PLEKHS1: variants seen among roughly 807,000 people sequenced by gnomAD.
The protein encoded by PLEKHS1 is pleckstrin homology domain containing S1, also known as pleckstrin homology domain-containing family S member 1.
PLEKHS1 carries 55 observed loss-of-function variants against 51.0 expected under a neutral mutation model. The ratio of observed to expected loss-of-function variants is 1.08; its 90% CI spans 0.87 to 1.35. PLEKHS1 has a LOEUF of 1.35. PLEKHS1 is among the 40% of genes most tolerant of loss of function. The pLI is 0.00. For synonymous variants in PLEKHS1, 153 were observed against 144.8 expected, an observed-to-expected ratio of 1.06 and a Z score of -0.41; for missense variants, 398 against 423.0, an observed-to-expected ratio of 0.94 and a Z score of 0.52.
chr10:113,767,014 A>C lies in PLEKHS1; in HGVS notation c.224+296A>C, dbSNP rs142685744. 3.5e-3 allele frequency among the ~76,000 whole-genome samples: 539 copies of C among 152,350 alleles called. 6 individuals carry two copies. The highest frequency in any genetic ancestry group is 0.013 in the African/African-American group (524 of 41,588). Reference sequence around the variant, plus strand: ...AGGGAGCAGATGAAATTGTCATTTTATAAAGTCAAGATAGAGTTTTAAAAA... The same window carrying C: ...AGGGAGCAGATGAAATTGTCATTTTCTAAAGTCAAGATAGAGTTTTAAAAA... On this transcript the variant is annotated intron_variant, in intron 4 of 11. Transcript: ENST00000361048.
chr10:113,755,173 C>G, intron 1 of PLEKHS1, 86 bp from the exon 2 acceptor site: 1 of 1,433,284 alleles, frequency 7.0e-7, no homozygotes, highest in Non-Finnish European at 9.4e-7. Flanking sequence ...TGAGCACAAT[C>G]CTGATACTCA....
chr10:113,766,212 G>A (rs1844152936), intron 2 of PLEKHS1, among the ~76,000 whole-genome samples, 199 bp from the exon 3 acceptor site: 1 of 152,194 alleles, frequency 6.6e-6, no homozygotes, highest in African/African-American at 2.4e-5. Flanking sequence ...TTCAAATGTT[G>A]TTTGAATGAA....
At position 113,772,067 on chromosome 10, in the gene PLEKHS1, C is replaced by A. The variant is rs368015880; in HGVS notation, c.650C>A (p.Thr217Asn). Reference sequence around the variant, plus strand: ...GTGAAGGAAGAGAATCATTATCTTACTCCTCGAAGTGTTCTTTTAGAGGTA... The same window carrying A: ...GTGAAGGAAGAGAATCATTATCTTAATCCTCGAAGTGTTCTTTTAGAGGTA... Residue 217 changes from threonine to asparagine, a missense_variant, in exon 8 of 12, where the codon ACT becomes AAT. Coordinates refer to ENST00000361048, the Ensembl canonical transcript of PLEKHS1. 12 of 1,612,802 alleles carry A rather than the reference C, an allele frequency of 7.4e-6. No homozygotes were observed. In the African/African-American group the frequency reaches 1.5e-4, roughly 20 times the overall value.
chr10:113,766,602 T>C lies in PLEKHS1; in HGVS notation c.118-10T>C. 6.2e-7 allele frequency: 1 copy of C among 1,601,000 alleles called. No homozygotes were observed. Among genetic ancestry groups the C allele is most frequent in the Non-Finnish European group, 8.5e-7 (1 of 1,175,922 alleles). On this transcript the variant is annotated splice_polypyrimidine_tract_variant and intron_variant, in intron 3 of 11. Transcript: ENST00000361048. ...ATTTAACTAAGACATAAAATCTTTT[T>C]ATTTTTCAGACCTCTTGGAAAAAGC...
At chr10:113,760,952 A>G (rs1406641657) in intron 2 of PLEKHS1, among the ~76,000 whole-genome samples, 1 of 152,140 alleles carries the variant, frequency 6.6e-6, no homozygotes, top group Non-Finnish European at 1.5e-5. Context: ...CTCTCATGTT[A>G]AGGTCATTTA....
chr10:113,758,144 A>G (rs1005514783), intron 2 of PLEKHS1, among the ~76,000 whole-genome samples: 9 of 152,240 alleles, frequency 5.9e-5, no homozygotes, highest in Non-Finnish European at 1.2e-4. Context: ...TCTAGGAATC[A>G]TGAATATTTT....
intron 8 of PLEKHS1, among the ~76,000 whole-genome samples, chr10:113,772,542 C>G (rs978714894): frequency 2.6e-5 from 4 of 152,118 alleles, no homozygotes; most frequent in Non-Finnish European, 5.9e-5. Flanking sequence ...TTACTGAATG[C>G]CTTCTGAGCA....
At chr10:113,757,743 T>A (rs566022444) in intron 2 of PLEKHS1, among the ~76,000 whole-genome samples, 5 of 152,356 alleles carry the variant, frequency 3.3e-5, no homozygotes, top group African/African-American at 1.2e-4. Flanking sequence ...TGATAACATT[T>A]TATCCACAGT....
intron 11 of PLEKHS1, among the ~76,000 whole-genome samples, chr10:113,778,737 G>A (rs891097718): frequency 4.7e-5 from 7 of 150,168 alleles, no homozygotes; most frequent in Admixed American, 6.7e-5. Context: ...TCCGCCTGCC[G>A]GGTTCACACC....
intron 11 of PLEKHS1, among the ~76,000 whole-genome samples, chr10:113,778,639 C>CTT (rs1274079728): frequency 1.1e-5 from 1 of 93,994 alleles, no homozygotes; most frequent in Non-Finnish European, 2.6e-5. Flanking sequence ...CATTCGTTCA[C>CTT]TTTCTTTTTT....
intron 7 of PLEKHS1, among the ~76,000 whole-genome samples, chr10:113,770,629 C>G (rs1844362359): frequency 6.6e-6 from 1 of 152,130 alleles, no homozygotes; most frequent in South Asian, 2.1e-4. Flanking sequence ...TGGTAGCTCT[C>G]CAACTATTTT....
intron 1 of PLEKHS1, among the ~76,000 whole-genome samples, chr10:113,754,884 T>C (rs1444398379): frequency 1.3e-5 from 2 of 152,226 alleles, no homozygotes; most frequent in African/African-American, 2.4e-5. Flanking sequence ...CTCGGCTACG[T>C]TGGCTCCATG....
At chr10:113,775,620 A>C in intron 10 of PLEKHS1, 145 bp from the exon 11 acceptor site, 1 of 537,130 alleles carries the variant, frequency 1.9e-6, no homozygotes. Flanking sequence ...AGTAACTTAA[A>C]TTTATATTAT....
exon 8 of PLEKHS1, chr10:113,772,065 T>G: frequency 1.2e-6 from 2 of 1,613,258 alleles, no homozygotes; most frequent in South Asian, 2.2e-5. Context: ...ATCATTATCT[T>G]ACTCCTCGAA....
At chr10:113,778,524 A>T (rs1476029607) in intron 11 of PLEKHS1, among the ~76,000 whole-genome samples, 1 of 152,174 alleles carries the variant, frequency 6.6e-6, no homozygotes, top group Non-Finnish European at 1.5e-5. Context: ...TGGTCACACA[A>T]ATTGTGCCAT....
At chr10:113,762,702 T>A (rs1343303740) in intron 2 of PLEKHS1, among the ~76,000 whole-genome samples, 1 of 152,012 alleles carries the variant, frequency 6.6e-6, no homozygotes, top group East Asian at 1.9e-4. Context: ...TGCTTTTAAA[T>A]TTATTGAGAC....
intron 2 of PLEKHS1, among the ~76,000 whole-genome samples, chr10:113,756,641 C>T (rs914434186): frequency 6.6e-6 from 1 of 152,028 alleles, no homozygotes; most frequent in Non-Finnish European, 1.5e-5. Flanking sequence ...GGCATTTGAG[C>T]TAGACCCTAT....
chr10:113,765,362 AATTAT>A (rs1844114465), intron 2 of PLEKHS1: 1 of 779,418 alleles, frequency 1.3e-6, no homozygotes, highest in Non-Finnish European at 2.4e-6. Context: ...ATGCCCTGTA[AATTAT>A]AAGTTTTTCC....
At chr10:113,768,469 A>G (rs971586759) in intron 5 of PLEKHS1, among the ~76,000 whole-genome samples, 1 of 152,258 alleles carries the variant, frequency 6.6e-6, no homozygotes, top group Non-Finnish European at 1.5e-5. Flanking sequence ...CCCTAAGGGA[A>G]GGCCCACCTG....
Sources: gnomAD v4.1 joint callset for allele counts (sites outside exome capture counted in the v4.1 genomes callset) on GRCh38, gnomAD v4.1.1 for gene constraint, MANE v1.5 for transcripts, NCBI Gene and HGNC (gene_info 2026-07-23, HGNC 2026-07-21) for gene names.